The following ZNRF3 variants were observed in gnomAD, a reference collection of about 807,000 sequenced individuals.
ZNRF3 encodes zinc and ring finger 3, also known as E3 ubiquitin-protein ligase ZNRF3.
In ZNRF3, 23 loss-of-function variants were observed where a neutral mutation model predicts 72.5. That is an observed-to-expected ratio of 0.32 (90% CI 0.23 to 0.45). The LOEUF (loss-of-function observed/expected upper bound fraction) is 0.45, where lower values mean the gene tolerates loss of function less well. ZNRF3 is among the 20% of genes least tolerant of loss of function. ZNRF3 has a pLI of 1.00. For synonymous variants in ZNRF3, 610 were observed against 545.3 expected, an observed-to-expected ratio of 1.12 and a Z score of -1.65; for missense variants, 1,169 against 1,272.1, an observed-to-expected ratio of 0.92 and a Z score of 1.23.
At chr22:28,958,714 C>T (rs910329056) in intron 1 of ZNRF3, among the ~76,000 whole-genome samples, 2 of 152,186 alleles carry the variant, frequency 1.3e-5, no homozygotes, top group Non-Finnish European at 2.9e-5. Context: ...TGACTGGCCT[C>T]ATTTGGTTCT....
chr22:28,964,871 C>T (rs1023616569), intron 1 of ZNRF3, among the ~76,000 whole-genome samples: 1 of 152,370 alleles, frequency 6.6e-6, no homozygotes, highest in Admixed American at 6.5e-5. Context: ...GCACCTTTGG[C>T]TACTCTTTCT....
chr22:28,907,690 G>C (rs1464596967), intron 1 of ZNRF3, among the ~76,000 whole-genome samples: 1 of 152,182 alleles, frequency 6.6e-6, no homozygotes, highest in Non-Finnish European at 1.5e-5. Context: ...TGAAACATAA[G>C]TCCCATTCTC....
chr22:28,944,947 A>AAATG (rs2035023437), intron 1 of ZNRF3, among the ~76,000 whole-genome samples: 1 of 148,962 alleles, frequency 6.7e-6, no homozygotes, highest in Non-Finnish European at 1.5e-5. Flanking sequence ...ATAAATAAAT[A>AAATG]AATAAATAAA....
chr22:28,978,931 G>A (rs928377053), intron 1 of ZNRF3, among the ~76,000 whole-genome samples: 1 of 152,120 alleles, frequency 6.6e-6, no homozygotes, highest in Non-Finnish European at 1.5e-5. Flanking sequence ...CCCTGATTAT[G>A]GGTTCCAATC....
chr22:28,989,103 A>T (rs1392027296), intron 2 of ZNRF3, among the ~76,000 whole-genome samples: 1 of 152,184 alleles, frequency 6.6e-6, no homozygotes, highest in Non-Finnish European at 1.5e-5. Context: ...CACTCACCAA[A>T]TATTTATTGG....
At chr22:28,978,297 G>A (rs1037385990) in intron 1 of ZNRF3, among the ~76,000 whole-genome samples, 5 of 152,156 alleles carry the variant, frequency 3.3e-5, no homozygotes, top group African/African-American at 9.7e-5. Flanking sequence ...TGTGTCTGCC[G>A]TCTCTGTAAC....
At chr22:29,025,917 G>A (rs1388830822) in intron 2 of ZNRF3, 2 of 152,254 alleles carry the variant, frequency 1.3e-5, no homozygotes, top group Non-Finnish European at 2.9e-5. Flanking sequence ...AGGACAGAAA[G>A]TAGTATTAAT....
chr22:29,034,896 A>C (rs2036838288), intron 2 of ZNRF3, among the ~76,000 whole-genome samples: 1 of 152,144 alleles, frequency 6.6e-6, no homozygotes, highest in East Asian at 1.9e-4. Flanking sequence ...TAGAACACAT[A>C]GTAACCAGTT....
At chr22:29,016,753 G>T (rs2036444569) in intron 2 of ZNRF3, among the ~76,000 whole-genome samples, 1 of 152,224 alleles carries the variant, frequency 6.6e-6, no homozygotes, top group Non-Finnish European at 1.5e-5. Context: ...TATGAACAGA[G>T]TAGGGCTGCT....
intron 2 of ZNRF3, among the ~76,000 whole-genome samples, chr22:29,032,211 A>G (rs1601690600): frequency 1.3e-5 from 2 of 152,208 alleles, no homozygotes; most frequent in African/African-American, 4.8e-5. Flanking sequence ...AAAAATTCAC[A>G]TACAGCCTGT....
At chr22:28,936,617 C>T (rs1273728153) in intron 1 of ZNRF3, among the ~76,000 whole-genome samples, 1 of 152,130 alleles carries the variant, frequency 6.6e-6, no homozygotes, top group Non-Finnish European at 1.5e-5. Flanking sequence ...TGGGTTACTT[C>T]TGATCCGTTT....
intron 2 of ZNRF3, among the ~76,000 whole-genome samples, chr22:28,991,052 C>T (rs1249116891): frequency 2.0e-5 from 3 of 151,800 alleles, no homozygotes; most frequent in Non-Finnish European, 2.9e-5. Flanking sequence ...GAGGCTGAGG[C>T]GCGCCGATTG....
intron 1 of ZNRF3, among the ~76,000 whole-genome samples, chr22:28,938,902 A>C (rs2034890007): frequency 6.6e-6 from 1 of 152,212 alleles, no homozygotes; most frequent in African/African-American, 2.4e-5. Context: ...CAGATTTGGC[A>C]ATCAGACCCG....
intron 2 of ZNRF3, among the ~76,000 whole-genome samples, chr22:29,002,315 G>A (rs74930185): frequency 1.1e-3 from 172 of 152,316 alleles, no homozygotes; most frequent in African/African-American, 3.9e-3. Context: ...TGTACATGCT[G>A]CTGCTGACCA....
intron 1 of ZNRF3, among the ~76,000 whole-genome samples, chr22:28,910,690 G>C (rs1198337679): frequency 6.6e-6 from 1 of 152,224 alleles, no homozygotes; most frequent in Non-Finnish European, 1.5e-5. Flanking sequence ...GGGAAAGTCA[G>C]ATGTGTCCCT....
Position 28,912,078 on chromosome 22 carries a change from C to A in ZNRF3, c.300+28012C>A, listed in dbSNP as rs558837225. On this transcript the variant is annotated intron_variant, in intron 1 of 8. Transcript: ENST00000544604. Reference sequence around the variant, plus strand: ...TCCTAGCCCTCTTCAAAGTTGTAATCAAACTAAACAAACACTTTCCACAGG... The same window carrying A: ...TCCTAGCCCTCTTCAAAGTTGTAATAAAACTAAACAAACACTTTCCACAGG... Among the ~76,000 whole-genome samples the A allele has an allele frequency of 2.5e-3, 378 of 152,302 alleles. 1 individual carries two copies. Among genetic ancestry groups the A allele is most frequent in the African/African-American group, 8.7e-3 (361 of 41,564 alleles).
At chr22:28,967,385 A>C (rs115605274) in intron 1 of ZNRF3, among the ~76,000 whole-genome samples, 3,043 of 152,264 alleles carry the variant, frequency 0.02, 96 homozygotes, top group African/African-American at 0.07. Flanking sequence ...CCACACTCTT[A>C]TGTTTGCACA....
At chr22:29,035,177 G>T (rs1460511233) in intron 2 of ZNRF3, among the ~76,000 whole-genome samples, 1 of 151,940 alleles carries the variant, frequency 6.6e-6, no homozygotes, top group East Asian at 1.9e-4. Flanking sequence ...CAATGTGGTC[G>T]GTAAGGTCTA....
intron 1 of ZNRF3, among the ~76,000 whole-genome samples, chr22:28,924,125 T>G (rs1384853031): frequency 6.6e-6 from 1 of 152,220 alleles, no homozygotes; most frequent in Non-Finnish European, 1.5e-5. Context: ...GACAGGTTCT[T>G]TTTTTAAATT....
Sources: gnomAD v4.1 joint callset for allele counts (sites outside exome capture counted in the v4.1 genomes callset) on GRCh38, gnomAD v4.1.1 for gene constraint, MANE v1.5 for transcripts, NCBI Gene and HGNC (gene_info 2026-07-23, HGNC 2026-07-21) for gene names.